FCMR: variants seen among roughly 807,000 people sequenced by gnomAD.
The protein encoded by FCMR is Fc mu receptor.
A neutral mutation model predicts 41.6 loss-of-function variants in FCMR; 34 were observed. The ratio of observed to expected loss-of-function variants is 0.82; its 90% CI spans 0.62 to 1.09. FCMR has a LOEUF of 1.09. FCMR is among the 50% of genes least tolerant of loss of function. The probability of loss-of-function intolerance (pLI) is 0.00; values close to 1 mark genes in which losing one functional copy is unlikely to be tolerated. For missense variants in FCMR, 496 were observed against 512.5 expected (o/e 0.97, Z 0.31); for synonymous variants, 209 against 211.8 (o/e 0.99, Z 0.12).
intron 1 of FCMR, among the ~76,000 whole-genome samples, chr1:206,919,182 C>T (rs762940247): frequency 5.3e-5 from 8 of 152,074 alleles, no homozygotes; most frequent in South Asian, 4.1e-4. Flanking sequence ...CCCAAATAGC[C>T]GCCCATGGCC....
chr1:206,916,972 A>G (rs1484169194), intron 1 of FCMR, among the ~76,000 whole-genome samples: 1 of 152,246 alleles, frequency 6.6e-6, no homozygotes, highest in Non-Finnish European at 1.5e-5. Context: ...GAAGGCATCG[A>G]AAGGAACCAA....
chr1:206,913,127 G>A, intron 2 of FCMR, 85 bp from the exon 3 acceptor site: 3 of 1,029,332 alleles, frequency 2.9e-6, no homozygotes, highest in South Asian at 2.6e-5. Context: ...CAGCCAAAGT[G>A]GATGACAGTG....
chr1:206,904,295 T>C lies in FCMR; in HGVS notation c.*724A>G, dbSNP rs1359909106. 1.1e-4 allele frequency: 16 copies of C among 149,580 alleles called. No individual in the cohort carries two copies. The South Asian group carries it at 2.1e-3, about 20-fold the overall frequency. The allele number at this position is 149,580 out of a possible 1,614,324, so 9.3% of individuals were successfully genotyped here. Reference sequence around the variant, plus strand: ...AGGCTATGGAAGAAAGATAAAGAGATACTTTTTTTTTTTTTTTTTTAGAGG... The same window carrying C: ...AGGCTATGGAAGAAAGATAAAGAGACACTTTTTTTTTTTTTTTTTTAGAGG... On this transcript the variant is annotated 3_prime_UTR_variant, in exon 8 of 8. Coordinates refer to ENST00000367091, the MANE Select transcript of FCMR (RefSeq NM_005449.5).
Position 206,913,091 on chromosome 1 carries a change from G to A in FCMR, c.374-49C>T, listed in dbSNP as rs762676860. 4.2e-6 allele frequency: 6 copies of A among 1,422,542 alleles called. No individual in the cohort carries two copies. The South Asian group carries it at 6.9e-5, about 16-fold the overall frequency. 88.1% of individuals were successfully genotyped at this position (1,422,542 alleles called of 1,614,324 possible). ...TTGGTGGTCTCTAGGGGGAGACTGA[G>A]GCTTGGGTGTAAACTGAAGCTAATT... On this transcript the variant is annotated intron_variant, in intron 2 of 7. Coordinates refer to ENST00000367091, the MANE Select transcript of FCMR (RefSeq NM_005449.5).
At chr1:206,910,673 C>T (rs772846280) in intron 4 of FCMR, among the ~76,000 whole-genome samples, 88 of 152,262 alleles carry the variant, frequency 5.8e-4, no homozygotes, top group Non-Finnish European at 1.1e-3. Flanking sequence ...ATTTAATGCA[C>T]CTTCCGGTGT....
intron 1 of FCMR, among the ~76,000 whole-genome samples, chr1:206,920,678 T>A (rs1679401628): frequency 6.6e-6 from 1 of 152,108 alleles, no homozygotes; most frequent in Admixed American, 6.6e-5. Flanking sequence ...TCATTAGAGG[T>A]TCTTGGGAGA....
chr1:206,907,634 G>T, intron 7 of FCMR: 1 of 756,552 alleles, frequency 1.3e-6, no homozygotes, highest in Non-Finnish European at 2.5e-6. Context: ...GGGGGTGCAG[G>T]TCCTGGTGCT....
At chr1:206,910,490 A>T in intron 4 of FCMR, 150 bp from the exon 5 acceptor site, 1 of 551,974 alleles carries the variant, frequency 1.8e-6, no homozygotes, top group Non-Finnish European at 2.9e-6. Context: ...CCTCAAAAAG[A>T]CTTGCCTATG....
intron 1 of FCMR, among the ~76,000 whole-genome samples, chr1:206,916,440 G>A (rs1175345052): frequency 6.6e-6 from 1 of 152,212 alleles, no homozygotes; most frequent in Non-Finnish European, 1.5e-5. Context: ...GCAGAGATGG[G>A]GTCATCACCC....
intron 7 of FCMR, chr1:206,906,282 G>T: frequency 3.4e-6 from 1 of 291,586 alleles, no homozygotes; most frequent in East Asian, 9.6e-5. Context: ...TTCCAGGGTG[G>T]GAAGGAAGGT....
At chr1:206,913,672 G>T in intron 2 of FCMR, 87 bp downstream of exon 2, 2 of 1,030,606 alleles carry the variant, frequency 1.9e-6, no homozygotes, top group South Asian at 1.4e-5. Flanking sequence ...GAGTCTAGGA[G>T]ACTGTTACAG....
At chr1:206,908,560 C>G (rs1413988070) in intron 7 of FCMR, among the ~76,000 whole-genome samples, 1 of 152,116 alleles carries the variant, frequency 6.6e-6, no homozygotes, top group Non-Finnish European at 1.5e-5. Context: ...TATAGCTCTG[C>G]AGCTGTTAGA....
At position 206,909,623 on chromosome 1, in the gene FCMR, T is replaced by A; in HGVS notation, c.985+102A>T. The A allele has an allele frequency of 1.6e-6, 2 of 1,240,726 alleles. No homozygotes were observed. Among genetic ancestry groups the A allele is most frequent in the Non-Finnish European group, 1.0e-6 (1 of 965,424 alleles). The allele number at this position is 1,240,726 out of a possible 1,614,324, so 76.9% of individuals were successfully genotyped here. On this transcript the variant is annotated intron_variant, in intron 6 of 7. Transcript: ENST00000367091. This position sits in a 1 kb window ranked among gnomAD's most constrained non-coding sequence, Gnocchi z 5.0. ...CCCCGCCCCACTCCCAGCTCCACCCTGTGGGAAGCCCTGGCACCTGGGAGC... is the reference window on the plus strand; with the variant it reads ...CCCCGCCCCACTCCCAGCTCCACCCAGTGGGAAGCCCTGGCACCTGGGAGC...
In FCMR at chr1:206,909,397, C is replaced by T. The variant is rs187938871; in HGVS notation, c.1044+65G>A. 1.1e-5 allele frequency: 12 copies of T among 1,046,306 alleles called. No individual in the cohort carries two copies. The African/African-American group carries it at 1.5e-4, about 13-fold the overall frequency. 64.8% of individuals were successfully genotyped at this position (1,046,306 alleles called of 1,614,324 possible). A position where few individuals can be genotyped will look rare whatever the true frequency, so the allele number is the denominator to read the frequency against. Reference sequence around the variant, plus strand: ...CGGCGCGGGAAGCCACACTCGGGTCCCCGCCCAGGGCTGGGGCCGCCCAGT... The same window carrying T: ...CGGCGCGGGAAGCCACACTCGGGTCTCCGCCCAGGGCTGGGGCCGCCCAGT... On this transcript the variant is annotated intron_variant, in intron 7 of 7. Coordinates refer to ENST00000367091, the MANE Select transcript of FCMR (RefSeq NM_005449.5). This position sits in a 1 kb window ranked among gnomAD's most constrained non-coding sequence, Gnocchi z 5.0.
At position 206,903,828 on chromosome 1, in the gene FCMR, G is replaced by A. The variant is rs1446677279; in HGVS notation, c.*1191C>T. On this transcript the variant is annotated 3_prime_UTR_variant, in exon 8 of 8. Transcript: ENST00000367091. ...CACCTGGATGTACTATCCAATCTGT[G>A]ATGACATTCCCTGCTAATAAAAGAC... 6.6e-6 allele frequency: 1 copy of A among 152,160 alleles called. No homozygotes were observed. Among genetic ancestry groups the A allele is most frequent in the East Asian group, 1.9e-4 (1 of 5,334 alleles). 9.4% of individuals were successfully genotyped at this position (152,160 alleles called of 1,614,324 possible).
intron 1 of FCMR, among the ~76,000 whole-genome samples, chr1:206,919,368 G>A (rs1357497076): frequency 2.0e-5 from 3 of 152,200 alleles, no homozygotes; most frequent in Admixed American, 2.0e-4. Context: ...GGCAGAGGCA[G>A]GCTGATCATT....
Position 206,913,058 on chromosome 1 carries a change from G to A in FCMR, c.374-16C>T, listed in dbSNP as rs1399292397. 1.3e-5 allele frequency: 20 copies of A among 1,584,112 alleles called. No individual in the cohort carries two copies. Among genetic ancestry groups the A allele is most frequent in the Non-Finnish European group, 1.6e-5 (18 of 1,153,228 alleles). On this transcript the variant is annotated splice_polypyrimidine_tract_variant and intron_variant, in intron 2 of 7. Transcript: ENST00000367091. ...GGCTCGTATTCTATTGGAAGGAAGA[G>A]GAATATGTTGGTGGTCTCTAGGGGG...
Position 206,913,750 on chromosome 1 carries a change from G to A in FCMR, c.373+9C>T. The A allele has an allele frequency of 6.2e-7, 1 of 1,610,118 alleles. No individual in the cohort carries two copies. The highest frequency in any genetic ancestry group is 1.1e-5 in the South Asian group (1 of 91,018). ...GTAGTCTGAGCCTCCAATCAGCGGA[G>A]GAACCTACCACTGTGGACATTCAGG... is the stretch of plus-strand genomic sequence containing the variant. On this transcript the variant is annotated intron_variant, in intron 2 of 7. Coordinates refer to ENST00000367091, the MANE Select transcript of FCMR (RefSeq NM_005449.5).
In FCMR at chr1:206,903,661, A is replaced by G. The variant is rs933250610; in HGVS notation, c.*1358T>C. ...GTGCCCAGCACAAAGCAGATCCTCA[A>G]TAAACATTTCATTTCCCACCCACAC... is the stretch of plus-strand genomic sequence containing the variant. On this transcript the variant is annotated 3_prime_UTR_variant, in exon 8 of 8. Transcript: ENST00000367091. 2.0e-5 allele frequency: 3 copies of G among 152,418 alleles called. No individual in the cohort carries two copies. Among genetic ancestry groups the G allele is most frequent in the Admixed American group, 1.3e-4 (2 of 15,288 alleles). The allele number at this position is 152,418 out of a possible 1,614,324, so 9.4% of individuals were successfully genotyped here.
Sources: gnomAD v4.1 joint callset for allele counts (sites outside exome capture counted in the v4.1 genomes callset) on GRCh38, gnomAD v4.1.1 for gene constraint, Gnocchi (gnomAD v3.1) non-coding constraint, MANE v1.5 for transcripts, NCBI Gene and HGNC (gene_info 2026-07-23, HGNC 2026-07-21) for gene names.